The following DST variants were observed in gnomAD, a reference collection of about 807,000 sequenced individuals.
The protein encoded by DST is bullous pemphigoid antigen.
Under a neutral mutation model 875.2 loss-of-function variants are expected in DST, and 253 were observed. That is an observed-to-expected ratio of 0.29 (90% CI 0.26 to 0.32). The LOEUF is 0.32. Ranked by LOEUF, DST falls within the 10% of genes least tolerant of loss-of-function variation. The probability of loss-of-function intolerance (pLI) is 1.00; values close to 1 mark genes in which losing one functional copy is unlikely to be tolerated. For missense variants in DST, 8,287 were observed against 9,111.6 expected (o/e 0.91, Z 3.68); for synonymous variants, 3,124 against 3,197.1 (o/e 0.98, Z 0.77).
chr6:56,885,242 C>A (rs1407465418), intron 3 of DST, among the ~76,000 whole-genome samples: 2 of 152,196 alleles, frequency 1.3e-5, no homozygotes, highest in Non-Finnish European at 2.9e-5. Context: ...CCTAGCAGCC[C>A]ATAACCAATG....
chr6:56,771,921 CTAGACA>C (rs1212528621), intron 4 of DST, among the ~76,000 whole-genome samples: 1 of 152,140 alleles, frequency 6.6e-6, no homozygotes, highest in Non-Finnish European at 1.5e-5. Flanking sequence ...TGAAGAGTCA[CTAGACA>C]TGTACTTTGG....
chr6:56,653,925 A>T lies in DST; in HGVS notation c.1215-2681T>A, dbSNP rs114842151. On this transcript the variant is annotated intron_variant, in intron 10 of 103. Coordinates refer to ENST00000680361, the MANE Select transcript of DST (RefSeq NM_001374736.1). ...TAAAAACTTCATTTATTTTTCACACATAGAAGATACTTACTTTCATTCTAA... is the reference window on the plus strand; with the variant it reads ...TAAAAACTTCATTTATTTTTCACACTTAGAAGATACTTACTTTCATTCTAA... 3.6e-3 allele frequency among the ~76,000 whole-genome samples: 554 copies of T among 152,304 alleles called. 5 individuals are homozygous for T. The highest frequency in any genetic ancestry group is 0.013 in the African/African-American group (532 of 41,570).
intron 4 of DST, among the ~76,000 whole-genome samples, chr6:56,762,599 T>C (rs1177970359): frequency 6.6e-6 from 1 of 152,220 alleles, no homozygotes; most frequent in Admixed American, 6.5e-5. Context: ...AACTCTTTTG[T>C]AGTCCCCTTC....
At chr6:56,768,224 C>G (rs937531224) in intron 4 of DST, among the ~76,000 whole-genome samples, 1 of 152,032 alleles carries the variant, frequency 6.6e-6, no homozygotes, top group Non-Finnish European at 1.5e-5. Flanking sequence ...ATTATTCCAA[C>G]CTAGAATAGA....
At chr6:56,640,115 C>T (rs1159170150) in intron 18 of DST, 28 bp downstream of exon 18, 2 of 1,613,194 alleles carry the variant, frequency 1.2e-6, no homozygotes, top group Admixed American at 1.7e-5. Context: ...AAGACTGAAA[C>T]ACTCAGGTAA....
At position 56,654,821 on chromosome 6, in the gene DST, T is replaced by C. The variant is rs897437657; in HGVS notation, c.1215-3577A>G. ...TTAATACATTAGCTCACATGAGAAT[T>C]AGATAGGATTCTGCAGGAACATATG... On this transcript the variant is annotated intron_variant, in intron 10 of 103. Coordinates refer to ENST00000680361, the MANE Select transcript of DST (RefSeq NM_001374736.1). 5.3e-4 allele frequency among the ~76,000 whole-genome samples: 80 copies of C among 152,064 alleles called. 1 individual carries two copies. Among genetic ancestry groups the C allele is most frequent in the African/African-American group, 1.8e-3 (76 of 41,410 alleles).
At chr6:56,900,671 C>A (rs774545003) in intron 2 of DST, 50 bp from the exon 3 acceptor site, 1 of 1,312,716 alleles carries the variant, frequency 7.6e-7, no homozygotes, top group East Asian at 4.8e-5. Flanking sequence ...TTGAGTTAGT[C>A]TGGAAGTTCT....
chr6:56,555,228 TG>T, intron 60 of DST, 116 bp downstream of exon 60: 1 of 1,123,056 alleles, frequency 8.9e-7, no homozygotes, highest in African/African-American at 1.6e-5. Flanking sequence ...TCTTCACTGA[TG>T]TTAACAGTGG....
intron 34 of DST, 75 bp from the exon 35 acceptor site, chr6:56,625,339 A>C: frequency 2.2e-6 from 2 of 927,468 alleles, no homozygotes; most frequent in Middle Eastern, 2.2e-4. Flanking sequence ...AATTTAACAC[A>C]GATAATTAGA....
In DST at chr6:56,508,621, C is replaced by G; in HGVS notation, c.19147G>C (p.Val6383Leu). 6.2e-7 allele frequency: 1 copy of G among 1,613,822 alleles called. No individual in the cohort carries two copies. Among genetic ancestry groups the G allele is most frequent in the Non-Finnish European group, 8.5e-7 (1 of 1,179,792 alleles). Reference sequence around the variant, plus strand: ...AAATCTTGAGTATCTTTAATGGTAACTATCAATGACATGTGATCACACCAG... The same window carrying G: ...AAATCTTGAGTATCTTTAATGGTAAGTATCAATGACATGTGATCACACCAG... Reference protein sequence around the residue: ...KFWCDHMSLIVTIKDTQDFIR... With the variant: ...KFWCDHMSLILTIKDTQDFIR... Residue 6383 changes from valine (V) to leucine (L), a missense_variant, in exon 75 of 104, where the codon GTT (valine) becomes CTT (leucine). This residue lies in a region of DST where 1,292 missense variants were observed against 1,552.7 expected (regional missense o/e 0.83). Transcript: ENST00000680361.
intron 97 of DST, among the ~76,000 whole-genome samples, chr6:56,469,522 T>C (rs1431305961): frequency 6.6e-6 from 1 of 152,130 alleles, no homozygotes; most frequent in Non-Finnish European, 1.5e-5. Flanking sequence ...ATTTTTAACT[T>C]TGTGGTTCTG....
chr6:56,851,751 A>G, intron 3 of DST, 147 bp from the exon 4 acceptor site: 1 of 1,551,786 alleles, frequency 6.4e-7, no homozygotes, highest in Non-Finnish European at 8.7e-7. Flanking sequence ...AGCTGAGGGA[A>G]TATGCAGAAA....
chr6:56,789,416 A>T (rs543792678), intron 4 of DST, among the ~76,000 whole-genome samples: 3 of 152,248 alleles, frequency 2.0e-5, no homozygotes, highest in Non-Finnish European at 4.4e-5. Context: ...GATACCTTTT[A>T]AAATGCTGTG....
intron 49 of DST, among the ~76,000 whole-genome samples, chr6:56,588,216 A>T (rs188595508): frequency 2.0e-5 from 3 of 152,334 alleles, no homozygotes; most frequent in African/African-American, 2.4e-5. Context: ...AGGTCCAATG[A>T]AATCTATTCC....
Position 56,625,184 on chromosome 6 carries a change from C to T in DST, c.4803G>A (p.Gln1601=), listed in dbSNP as rs2098722611. 1.2e-6 allele frequency: 2 copies of T among 1,613,202 alleles called. No homozygotes were observed. Among genetic ancestry groups the T allele is most frequent in the Non-Finnish European group, 1.7e-6 (2 of 1,179,266 alleles). The change falls in exon 35 of 104, where the codon CAG becomes CAA. Residue 1601 remains glutamine (Q), a synonymous_variant. Transcript: ENST00000680361. ...CTTGAATAATGAGATCTGCTGAACT[C>T]TGCATTCTTCGGCGTTTCACTGGAG... ...QKSPVKRRRM[Q]SSADLIIQEF...
intron 2 of DST, among the ~76,000 whole-genome samples, chr6:56,914,274 G>A (rs1263578688): frequency 1.3e-5 from 2 of 152,186 alleles, no homozygotes. Context: ...AAAATTAAAA[G>A]AGGGTAGAAA....
intron 92 of DST, among the ~76,000 whole-genome samples, chr6:56,475,580 T>C (rs2095145369): frequency 6.6e-6 from 1 of 152,222 alleles, no homozygotes; most frequent in Non-Finnish European, 1.5e-5. Flanking sequence ...AAGAAGGATA[T>C]ATAGGAAGGC....
At chr6:56,666,699 A>T (rs1468905789) in intron 10 of DST, among the ~76,000 whole-genome samples, 2 of 152,086 alleles carry the variant, frequency 1.3e-5, no homozygotes, top group African/African-American at 4.8e-5. Context: ...TATGGGAATA[A>T]TTATCAAGTA....
chr6:56,764,097 GCACACA>G (rs57134689), intron 4 of DST, among the ~76,000 whole-genome samples: 90 of 142,014 alleles, frequency 6.3e-4, no homozygotes, highest in African/African-American at 2.0e-3. Context: ...AAGTGCACAT[GCACACA>G]CACACACACA....
Sources: allele counts gnomAD v4.1 joint callset (sites outside exome capture counted in the v4.1 genomes callset), GRCh38; gene constraint gnomAD v4.1.1; regional missense constraint gnomAD v4.1.1; transcripts MANE v1.5; gene names NCBI Gene and HGNC (gene_info 2026-07-23, HGNC 2026-07-21).